Variants in USP12 observed in about 807,000 individuals in gnomAD.
The protein encoded by USP12 is ubiquitin carboxyl-terminal hydrolase 12.
A neutral mutation model predicts 45.5 loss-of-function variants in USP12; 19 were observed. That is an observed-to-expected ratio of 0.42 (90% confidence interval 0.29 to 0.61). The LOEUF is 0.61. Ranked by LOEUF, USP12 falls within the 20% of genes least tolerant of loss-of-function variation. The pLI, the probability that USP12 is intolerant of heterozygous loss-of-function variation, is 0.22. For missense variants in USP12, 242 were observed against 447.7 expected, an observed-to-expected ratio of 0.54 and a Z score of 4.15; for synonymous variants, 149 against 148.8, an observed-to-expected ratio of 1.00 and a Z score of -0.01.
chr13:27,089,785 C>A, intron 6 of USP12, 98 bp downstream of exon 6: 1 of 1,149,560 alleles, frequency 8.7e-7, no homozygotes. Context: ...AGAATTTTTA[C>A]TCAATGTAAA....
At chr13:27,102,543 A>G (rs1874918531) in intron 3 of USP12, among the ~76,000 whole-genome samples, 1 of 152,162 alleles carries the variant, frequency 6.6e-6, no homozygotes, top group African/African-American at 2.4e-5. Context: ...TTGCCATGCT[A>G]ATTTTCTTTC....
At chr13:27,075,581 C>T (rs568527873) in intron 6 of USP12, among the ~76,000 whole-genome samples, 193 bp from the exon 7 acceptor site, 1 of 152,106 alleles carries the variant, frequency 6.6e-6, no homozygotes, top group Non-Finnish European at 1.5e-5. Flanking sequence ...TTAATATGAC[C>T]CCACCCTACC....
intron 1 of USP12, among the ~76,000 whole-genome samples, chr13:27,138,999 C>T (rs897207111): frequency 3.3e-5 from 5 of 152,142 alleles, no homozygotes; most frequent in African/African-American, 9.7e-5. Flanking sequence ...GCCTTACAAT[C>T]GCATCCTATA....
At chr13:27,091,382 T>C (rs559958742) in intron 4 of USP12, among the ~76,000 whole-genome samples, 6 of 152,286 alleles carry the variant, frequency 3.9e-5, no homozygotes, top group African/African-American at 1.2e-4. Flanking sequence ...GGGTCTTCAT[T>C]TGAAATGTTC....
Position 27,122,251 on chromosome 13 carries a change from C to T in USP12, c.49-5655G>A, listed in dbSNP as rs114002009. On this transcript the variant is annotated intron_variant, in intron 1 of 8. Coordinates refer to ENST00000282344, the MANE Select transcript of USP12 (RefSeq NM_182488.4). ...AATTTGAATCATCAGGGTGGTTCCC[C>T]CATACTGTTCTCGTGGTAGTGAATA... is the stretch of plus-strand genomic sequence containing the variant. 6.7e-3 allele frequency among the ~76,000 whole-genome samples: 1,023 copies of T among 152,246 alleles called. 14 individuals carry two copies. The highest frequency in any genetic ancestry group is 0.022 in the African/African-American group (903 of 41,544).
chr13:27,075,461 G>C (rs1201965205), intron 6 of USP12, 73 bp from the exon 7 acceptor site: 15 of 1,322,554 alleles, frequency 1.1e-5, no homozygotes, highest in Non-Finnish European at 1.6e-5. Flanking sequence ...CAAACTTTAC[G>C]ATATCCAATG....
chr13:27,111,309 T>C (rs527499312), intron 2 of USP12, among the ~76,000 whole-genome samples: 1 of 152,350 alleles, frequency 6.6e-6, no homozygotes, highest in African/African-American at 2.4e-5. Flanking sequence ...CTAAAAATTA[T>C]CTTTCAAGAG....
chr13:27,162,595 T>A (rs1878159632), intron 1 of USP12, among the ~76,000 whole-genome samples: 1 of 152,196 alleles, frequency 6.6e-6, no homozygotes. Context: ...GCTTTTGAAA[T>A]ACCTCAAAAA....
intron 1 of USP12, among the ~76,000 whole-genome samples, chr13:27,147,637 A>G (rs919130318): frequency 1.3e-5 from 2 of 152,210 alleles, no homozygotes; most frequent in Non-Finnish European, 2.9e-5. Flanking sequence ...ACAAAAAGAC[A>G]CAGCAAGAAA....
chr13:27,125,089 C>T lies in USP12; in HGVS notation c.49-8493G>A, dbSNP rs550212734. On this transcript the variant is annotated intron_variant, in intron 1 of 8. Coordinates refer to ENST00000282344, the MANE Select transcript of USP12 (RefSeq NM_182488.4). ...GGTCTTTGCAGTGGACCACTACCAT[C>T]TTCTTTTTCAGTAAAACAGATCAGA... Among the ~76,000 whole-genome samples, 5 of 152,260 alleles carry T rather than the reference C, an allele frequency of 3.3e-5. No individual in the cohort carries two copies. In the South Asian group the frequency reaches 1.0e-3, roughly 32 times the overall value.
At chr13:27,131,733 A>G (rs1297009422) in intron 1 of USP12, among the ~76,000 whole-genome samples, 2 of 152,244 alleles carry the variant, frequency 1.3e-5, no homozygotes, top group Non-Finnish European at 2.9e-5. Context: ...CAATCTAAAA[A>G]TAATTCAAAC....
At chr13:27,108,868 G>C (rs1875282801) in intron 2 of USP12, among the ~76,000 whole-genome samples, 1 of 152,196 alleles carries the variant, frequency 6.6e-6, no homozygotes, top group African/African-American at 2.4e-5. Context: ...TGGGGTGGTA[G>C]AGGCAGAGGT....
At chr13:27,103,398 A>G (rs1874960244) in intron 3 of USP12, among the ~76,000 whole-genome samples, 1 of 151,096 alleles carries the variant, frequency 6.6e-6, no homozygotes, top group South Asian at 2.1e-4. Context: ...CAAATAATAA[A>G]AATGCTTTTC....
chr13:27,134,150 A>T (rs896238999), intron 1 of USP12, among the ~76,000 whole-genome samples: 1 of 152,224 alleles, frequency 6.6e-6, no homozygotes, highest in Non-Finnish European at 1.5e-5. Flanking sequence ...TGAAAAATAA[A>T]TGTTTAATTA....
At chr13:27,071,267 T>C (rs1217449557) in intron 7 of USP12, 118 bp from the exon 8 acceptor site, 1 of 799,954 alleles carries the variant, frequency 1.3e-6, no homozygotes, top group African/African-American at 1.8e-5. Flanking sequence ...AAGAACTGCT[T>C]CTTTTTTATA....
intron 2 of USP12, among the ~76,000 whole-genome samples, chr13:27,112,069 C>G (rs934999777): frequency 2.0e-5 from 3 of 152,114 alleles, no homozygotes; most frequent in Non-Finnish European, 4.4e-5. Context: ...CCCCACAGCA[C>G]AGTAATGAAG....
intron 1 of USP12, among the ~76,000 whole-genome samples, chr13:27,159,247 A>G (rs987990501): frequency 6.6e-6 from 1 of 152,192 alleles, no homozygotes; most frequent in Non-Finnish European, 1.5e-5. Context: ...AATTCTTTTA[A>G]AATCCTCACT....
chr13:27,134,083 G>A (rs753562038), intron 1 of USP12, among the ~76,000 whole-genome samples: 6 of 152,210 alleles, frequency 3.9e-5, no homozygotes, highest in Non-Finnish European at 8.8e-5. Flanking sequence ...GTTCAAGGCT[G>A]CAGTGAGCTA....
intron 1 of USP12, among the ~76,000 whole-genome samples, chr13:27,150,876 T>C (rs772749796): frequency 1.1e-4 from 17 of 152,218 alleles, no homozygotes; most frequent in Non-Finnish European, 2.1e-4. Context: ...GAAGTTACCT[T>C]TACCTCAAAC....
Sources: allele counts gnomAD v4.1 joint callset (sites outside exome capture counted in the v4.1 genomes callset), GRCh38; gene constraint gnomAD v4.1.1; transcripts MANE v1.5; gene names NCBI Gene and HGNC (gene_info 2026-07-23, HGNC 2026-07-21).